BICC1: variants seen among roughly 807,000 people sequenced by gnomAD.
The protein encoded by BICC1 is BicC family RNA binding protein 1, also known as protein bicaudal C homolog 1.
A neutral mutation model predicts 111.0 loss-of-function variants in BICC1; 43 were observed. That is an observed-to-expected ratio of 0.39 (90% CI 0.30 to 0.50). The LOEUF is 0.50. Ranked by LOEUF, BICC1 falls within the 20% of genes least tolerant of loss-of-function variation. The probability of loss-of-function intolerance (pLI) is 0.88; values close to 1 mark genes in which losing one functional copy is unlikely to be tolerated. For missense variants in BICC1, 1,091 were observed against 1,203.2 expected (o/e 0.91, Z 1.38); for synonymous variants, 467 against 434.4 (o/e 1.07, Z -0.93).
At chr10:58,818,568 T>C (rs1844166826) in intron 19 of BICC1, among the ~76,000 whole-genome samples, 1 of 152,168 alleles carries the variant, frequency 6.6e-6, no homozygotes, top group Non-Finnish European at 1.5e-5. Context: ...AGGCACTTTG[T>C]ATCATAAATT....
rs762823364 is a variant in BICC1, at chr10:58,803,198, G to A, written c.2137G>A (p.Glu713Lys). The A allele has an allele frequency of 3.3e-5, 53 of 1,609,084 alleles. No homozygotes were observed. The highest frequency in any genetic ancestry group is 4.1e-5 in the Non-Finnish European group (48 of 1,177,648). ...ERAAAAQQNS[E>K]RAHLAPRSSY... is the part of the protein sequence containing the mutation. ...GGCAGCAGCTGCCCAGCAAAACTCCGAAAGGGCCCACCTTGCTCCACGGTC... is the reference window on the plus strand; with the variant it reads ...GGCAGCAGCTGCCCAGCAAAACTCCAAAAGGGCCCACCTTGCTCCACGGTC... The change falls in exon 15 of 21, where the codon GAA becomes AAA. Residue 713 changes from glutamate (E) to lysine (K), a missense_variant. By Grantham distance (56) the Glu-to-Lys change is moderately conservative. Coordinates refer to ENST00000373886, the MANE Select transcript of BICC1 (RefSeq NM_001080512.3).
chr10:58,513,431 G>C, intron 1 of BICC1, 98 bp downstream of exon 1: 1 of 349,678 alleles, frequency 2.9e-6, no homozygotes, highest in South Asian at 8.9e-5. Flanking sequence ...TCCAGCCTAC[G>C]GCCGGCCGGT....
intron 3 of BICC1, among the ~76,000 whole-genome samples, chr10:58,770,004 CAA>C (rs1842579919): frequency 1.3e-5 from 2 of 152,044 alleles, no homozygotes; most frequent in South Asian, 4.1e-4. Context: ...TCAAAGCTGT[CAA>C]AATCGGTTCT....
At chr10:58,605,816 A>G (rs974577951) in intron 1 of BICC1, among the ~76,000 whole-genome samples, 10 of 152,190 alleles carry the variant, frequency 6.6e-5, no homozygotes, top group African/African-American at 2.4e-4. Flanking sequence ...GAACCCAGGG[A>G]ATGTGGAGCG....
At chr10:58,691,584 A>G (rs1839909073) in intron 2 of BICC1, among the ~76,000 whole-genome samples, 1 of 152,212 alleles carries the variant, frequency 6.6e-6, no homozygotes, top group Non-Finnish European at 1.5e-5. Context: ...TAAGGAAAAT[A>G]GGTGCCAACA....
At chr10:58,619,302 A>G (rs1564516163) in intron 1 of BICC1, among the ~76,000 whole-genome samples, 2 of 152,198 alleles carry the variant, frequency 1.3e-5, no homozygotes, top group Admixed American at 6.5e-5. Flanking sequence ...TGGAATTTCC[A>G]GAAACATGTA....
chr10:58,673,967 GCTAAT>G (rs1564545741), intron 2 of BICC1, among the ~76,000 whole-genome samples: 1 of 934 alleles, frequency 1.1e-3, no homozygotes, highest in Admixed American at 0.031. Context: ...AAACACTCAA[GCTAAT>G]AGCTTGCTGG....
chr10:58,784,974 C>T lies in BICC1; in HGVS notation c.308-27C>T, dbSNP rs568696613. Reference sequence around the variant, plus strand: ...TTTTAAACAGAGTTTGGGAGTTTCACACAAGCCTTTTATTTCTTTCTTATA... The same window carrying T: ...TTTTAAACAGAGTTTGGGAGTTTCATACAAGCCTTTTATTTCTTTCTTATA... On this transcript the variant is annotated intron_variant, in intron 3 of 20. Transcript: ENST00000373886. 8 of 1,346,598 alleles carry T rather than the reference C, an allele frequency of 5.9e-6. No homozygotes were observed. The South Asian group carries it at 1.0e-4, about 17-fold the overall frequency. The allele number at this position is 1,346,598 out of a possible 1,614,324, so 83.4% of individuals were successfully genotyped here. A position where few individuals can be genotyped will look rare whatever the true frequency, so the allele number is the denominator to read the frequency against.
intron 2 of BICC1, among the ~76,000 whole-genome samples, chr10:58,697,603 C>G (rs1241038377): frequency 6.6e-6 from 1 of 152,178 alleles, no homozygotes; most frequent in Non-Finnish European, 1.5e-5. Flanking sequence ...TTCCAGTTCC[C>G]TAATTTACCT....
rs1842292225 is a variant in BICC1, at chr10:58,760,788, A to AGAAAG, written c.308-24213_308-24212insGAAAG. On this transcript the variant is annotated intron_variant, in intron 3 of 20. Transcript: ENST00000373886. ...ATGGATCTGAAGCTGGCTTTTTCTA[A>AGAAAG]TGGGAGGAGGAATGTAAATTGAACC... 2.6e-5 allele frequency among the ~76,000 whole-genome samples: 4 copies of AGAAAG among 152,142 alleles called. No individual in the cohort carries two copies. The South Asian group carries it at 8.3e-4, about 32-fold the overall frequency.
At chr10:58,545,928 G>C (rs561839682) in intron 1 of BICC1, among the ~76,000 whole-genome samples, 1 of 152,150 alleles carries the variant, frequency 6.6e-6, no homozygotes, top group Non-Finnish European at 1.5e-5. Flanking sequence ...TGTTGCTCTG[G>C]AGGTTGGGAG....
intron 3 of BICC1, among the ~76,000 whole-genome samples, chr10:58,751,395 TAATA>T (rs2132644690): frequency 6.6e-6 from 1 of 152,340 alleles, no homozygotes; most frequent in South Asian, 2.1e-4. Flanking sequence ...GAGATGTTAC[TAATA>T]AATATTTGTA....
At chr10:58,823,412 C>G in intron 20 of BICC1, 1 of 984,498 alleles carries the variant, frequency 1.0e-6, no homozygotes, top group Non-Finnish European at 1.2e-6. Context: ...TTCAGTAGGA[C>G]TTGACCTTGA....
intron 17 of BICC1, among the ~76,000 whole-genome samples, chr10:58,809,626 G>A (rs932929652): frequency 6.6e-6 from 1 of 152,224 alleles, no homozygotes; most frequent in Non-Finnish European, 1.5e-5. Flanking sequence ...GCTGAAAGAT[G>A]AGATTATGTT....
chr10:58,787,152 C>G, intron 5 of BICC1, 71 bp downstream of exon 5: 1 of 1,372,972 alleles, frequency 7.3e-7, no homozygotes, highest in Middle Eastern at 1.9e-4. Flanking sequence ...GTTTGCCTAT[C>G]TTTTTTTTCT....
chr10:58,683,852 T>C (rs188663279), intron 2 of BICC1, among the ~76,000 whole-genome samples: 174 of 152,340 alleles, frequency 1.1e-3, no homozygotes, highest in African/African-American at 4.0e-3. Flanking sequence ...TTTTCCTAAT[T>C]GAATACCCTT....
At chr10:58,632,992 A>T (rs527336577) in intron 2 of BICC1, among the ~76,000 whole-genome samples, 5 of 152,316 alleles carry the variant, frequency 3.3e-5, no homozygotes, top group Non-Finnish European at 7.3e-5. Context: ...GTTTCTATTC[A>T]TTATTGATAT....
At chr10:58,702,202 G>T in intron 3 of BICC1, 59 bp downstream of exon 3, 2 of 1,390,226 alleles carry the variant, frequency 1.4e-6, no homozygotes, top group Non-Finnish European at 2.0e-6. Context: ...TGGAATTACT[G>T]CAGGTTTGCT....
intron 2 of BICC1, among the ~76,000 whole-genome samples, chr10:58,657,978 G>T (rs182266700): frequency 2.0e-5 from 3 of 151,882 alleles, no homozygotes; most frequent in African/African-American, 7.3e-5. Flanking sequence ...ACTCTTCTCA[G>T]TGTGTCACCT....
Sources: allele counts gnomAD v4.1 joint callset (sites outside exome capture counted in the v4.1 genomes callset), GRCh38; gene constraint gnomAD v4.1.1; transcripts MANE v1.5; gene names NCBI Gene and HGNC (gene_info 2026-07-23, HGNC 2026-07-21).